UGT1A10: variants seen among roughly 807,000 people sequenced by gnomAD.
The protein encoded by UGT1A10 is UDP-glucuronosyltransferase 1A10.
A neutral mutation model predicts 45.8 loss-of-function variants in UGT1A10; 49 were observed. The observed-to-expected ratio is 1.07, with a 90% CI of 0.85 to 1.36. UGT1A10 has a LOEUF of 1.36. UGT1A10 is among the 40% of genes most tolerant of loss of function. The pLI, the probability that UGT1A10 is intolerant of heterozygous loss-of-function variation, is 0.00. For missense variants in UGT1A10, 745 were observed against 668.6 expected (o/e 1.11, Z -1.26); for synonymous variants, 284 against 249.7 (o/e 1.14, Z -1.29).
chr2:233,695,287 A>G (rs775200577), intron 1 of UGT1A10, among the ~76,000 whole-genome samples: 12 of 151,764 alleles, frequency 7.9e-5, no homozygotes, highest in Non-Finnish European at 8.8e-5. Flanking sequence ...CACCATTCCC[A>G]GCTAATTTTT....
intron 1 of UGT1A10, among the ~76,000 whole-genome samples, chr2:233,642,065 T>C (rs549485811): frequency 4.6e-5 from 7 of 152,318 alleles, no homozygotes; most frequent in African/African-American, 1.4e-4. Flanking sequence ...TTTGGAAAGT[T>C]TTCTGTTATT....
chr2:233,667,716 G>A (rs1194283381), intron 1 of UGT1A10, among the ~76,000 whole-genome samples: 1 of 152,164 alleles, frequency 6.6e-6, no homozygotes, highest in African/African-American at 2.4e-5. Context: ...CAAAAAGTGG[G>A]TGAAGGATAT....
intron 1 of UGT1A10, among the ~76,000 whole-genome samples, chr2:233,765,881 T>G (rs1234531270): frequency 6.6e-6 from 1 of 152,054 alleles, no homozygotes; most frequent in Non-Finnish European, 1.5e-5. Flanking sequence ...GGGCTCACTT[T>G]CTCAGTGCGC....
intron 1 of UGT1A10, chr2:233,691,022 A>C: frequency 1.0e-6 from 1 of 993,022 alleles, no homozygotes; most frequent in Non-Finnish European, 1.2e-6. Context: ...TGTGGTTGGA[A>C]GGGCTCAGAC....
Sources: allele counts gnomAD v4.1 joint callset (sites outside exome capture counted in the v4.1 genomes callset), GRCh38; gene constraint gnomAD v4.1.1; transcripts MANE v1.5; gene names NCBI Gene and HGNC (gene_info 2026-07-23, HGNC 2026-07-21).